Variants in ESPL1 observed in about 807,000 individuals in gnomAD.
ESPL1 encodes extra spindle pole bodies like 1, separase.
ESPL1 carries 50 observed loss-of-function variants against 217.2 expected under a neutral mutation model. That is an observed-to-expected ratio of 0.23 (90% CI 0.18 to 0.29). ESPL1 has a LOEUF of 0.29. ESPL1 is among the 10% of genes least tolerant of loss of function. The pLI is 1.00. For synonymous variants in ESPL1, 994 were observed against 1,081.3 expected (o/e 0.92, Z 1.58); for missense variants, 1,834 against 2,603.0 (o/e 0.70, Z 6.43).
rs776772153 is a variant in ESPL1, at chr12:53,268,838, C to G, written c.72C>G (p.Pro24=). 6.2e-7 allele frequency: 1 copy of G among 1,611,646 alleles called. No homozygotes were observed. Among genetic ancestry groups the G allele is most frequent in the African/African-American group, 1.3e-5 (1 of 74,862 alleles). ...SSQKEAEELL[P]ALKEFLSNPP... ...AGAAGGAGGCTGAAGAGTTGCTGCC[C>G]GCCTTGAAGGTGGGGGTGCTGCCTG... The change falls in exon 2 of 31, where the codon CCC becomes CCG. Residue 24 remains proline, a synonymous_variant. Transcript: ENST00000257934.
chr12:53,292,018 G>A lies in ESPL1; in HGVS notation c.5726G>A (p.Ser1909Asn). ...AAGCTGCCGTGGGAAAGCATGCCCA[G>A]CCTCCAAGCACTGCCTGTCACCCGG... Reference protein sequence around the residue: ...LQKLPWESMPSLQALPVTRLP... With the variant: ...LQKLPWESMPNLQALPVTRLP... Residue 1909 changes from serine (S) to asparagine (N), a missense_variant, in exon 27 of 31, where the codon AGC (serine) becomes AAC (asparagine). Physicochemically the swap from Ser to Asn is conservative, Grantham distance 46 (BLOSUM62 1). This residue lies in a region of ESPL1 where 295 missense variants were observed against 519.8 expected (regional missense o/e 0.57). Coordinates refer to ENST00000257934, the MANE Select transcript of ESPL1 (RefSeq NM_012291.5). This position sits in a 1 kb window ranked among gnomAD's most constrained non-coding sequence, Gnocchi z 4.5. 6.2e-7 allele frequency: 1 copy of A among 1,614,098 alleles called. No individual in the cohort carries two copies. The highest frequency in any genetic ancestry group is 8.5e-7 in the Non-Finnish European group (1 of 1,180,020).
Position 53,286,025 on chromosome 12 carries a change from G to C in ESPL1, c.3289G>C (p.Glu1097Gln). 6.2e-7 allele frequency: 1 copy of C among 1,606,738 alleles called. No homozygotes were observed. Among genetic ancestry groups the C allele is most frequent in the Non-Finnish European group, 8.5e-7 (1 of 1,173,822 alleles). The change falls in exon 18 of 31, where the codon GAG (glutamate) becomes CAG (glutamine). Residue 1097 changes from glutamate (E) to glutamine (Q), a missense_variant. This residue lies in a region of ESPL1 where 681 missense variants were observed against 808.0 expected (regional missense o/e 0.84). Transcript: ENST00000257934. This position sits in a 1 kb window ranked among gnomAD's most constrained non-coding sequence, Gnocchi z 5.3. ...CCCCTGTCCTCCACAGCTCCCAGAG[G>C]AGGAGCTCTTCCTAAGAGGCCCTGC... ...QVPCPPQLPEEELFLRGPALE... is the reference protein window; with the variant it reads ...QVPCPPQLPEQELFLRGPALE...
intron 13 of ESPL1, 116 bp downstream of exon 13, chr12:53,281,742 C>A (rs1943865903): frequency 1.0e-6 from 1 of 972,402 alleles, no homozygotes; most frequent in Admixed American, 2.2e-5. Flanking sequence ...TGTTCCTGAC[C>A]CTGAGAGGCA....
chr12:53,281,226 C>T (rs1943856357), intron 12 of ESPL1, among the ~76,000 whole-genome samples: 1 of 147,604 alleles, frequency 6.8e-6, no homozygotes, highest in Admixed American at 6.8e-5. Flanking sequence ...CAACCTCTGC[C>T]TCTCGGGTTC....
intron 11 of ESPL1, among the ~76,000 whole-genome samples, chr12:53,278,281 T>C (rs1565756188): frequency 6.6e-6 from 1 of 151,942 alleles, no homozygotes; most frequent in Admixed American, 6.6e-5. Flanking sequence ...TTAGCTTTAG[T>C]CTGGGCAACA....
rs1292281258 is a variant in ESPL1 at position 53,282,947 on chromosome 12, C to T, written c.2792-182C>T. On this transcript the variant is annotated intron_variant, in intron 14 of 30. Transcript: ENST00000257934. This position sits in a 1 kb window ranked among gnomAD's most constrained non-coding sequence, Gnocchi z 4.0. Reference sequence around the variant, plus strand: ...GGGATTACAGGCTTGGGCCACTGCGCCCAGCCAGCTGAAAGGATTCTGAGA... The same window carrying T: ...GGGATTACAGGCTTGGGCCACTGCGTCCAGCCAGCTGAAAGGATTCTGAGA... 6.6e-6 allele frequency among the ~76,000 whole-genome samples: 1 copy of T among 152,252 alleles called. No homozygotes were observed. The highest frequency in any genetic ancestry group is 1.5e-5 in the Non-Finnish European group (1 of 68,044).
At position 53,286,514 on chromosome 12, in the gene ESPL1, C is replaced by G; in HGVS notation, c.3778C>G (p.His1260Asp). The change falls in exon 18 of 31, where the codon CAC (histidine) becomes GAC (aspartate). Residue 1260 changes from histidine to aspartate, a missense_variant. By Grantham distance (81) the His-to-Asp change is moderately conservative. Coordinates refer to ENST00000257934, the MANE Select transcript of ESPL1 (RefSeq NM_012291.5). The surrounding 1 kb of genome is among the most constrained non-coding windows in gnomAD (Gnocchi z 5.3). ...GAAGTTTGTAGCAGCACGGATACCC[C>G]ACCTAGAGCCCTGGCGAGCCAGCCT... ...GLKFVAARIPHLEPWRASLLL... is the reference protein window; with the variant it reads ...GLKFVAARIPDLEPWRASLLL... 1 of 1,614,218 alleles carries G rather than the reference C, an allele frequency of 6.2e-7. No individual in the cohort carries two copies. Among genetic ancestry groups the G allele is most frequent in the South Asian group, 1.1e-5 (1 of 91,088 alleles).
At chr12:53,279,574 A>T in intron 11 of ESPL1, 158 bp from the exon 12 acceptor site, 1 of 807,520 alleles carries the variant, frequency 1.2e-6, no homozygotes, top group Non-Finnish European at 2.0e-6. Context: ...GCTTTAAAAC[A>T]GTAGGGGTGG....
In ESPL1 at chr12:53,282,207, C is replaced by G; in HGVS notation, c.2620-57C>G. ...GGGCCACGTAATCTCCAGGGCCTCTCAAGCTCTGGAGTGCCTGACTGCCTT... is the reference window on the plus strand; with the variant it reads ...GGGCCACGTAATCTCCAGGGCCTCTGAAGCTCTGGAGTGCCTGACTGCCTT... On this transcript the variant is annotated intron_variant, in intron 13 of 30. Coordinates refer to ENST00000257934, the MANE Select transcript of ESPL1 (RefSeq NM_012291.5). The surrounding 1 kb of genome is among the most constrained non-coding windows in gnomAD (Gnocchi z 4.0). 2 of 1,494,842 alleles carry G rather than the reference C, an allele frequency of 1.3e-6. No homozygotes were observed. The highest frequency in any genetic ancestry group is 2.3e-5 in the South Asian group (2 of 87,798). 92.6% of individuals were successfully genotyped at this position (1,494,842 alleles called of 1,614,324 possible). A position where few individuals can be genotyped will look rare whatever the true frequency, so the allele number is the denominator to read the frequency against.
chr12:53,283,561 T>A (rs1332693225), intron 16 of ESPL1, 23 bp downstream of exon 16: 26 of 1,601,596 alleles, frequency 1.6e-5, no homozygotes, highest in Non-Finnish European at 2.1e-5. Context: ...CCAGAGGATA[T>A]GGCAATGATG....
intron 6 of ESPL1, 152 bp downstream of exon 6, chr12:53,273,009 T>C: frequency 1.5e-6 from 1 of 685,668 alleles, no homozygotes; most frequent in Non-Finnish European, 2.4e-6. Flanking sequence ...CAAACCTCAC[T>C]GTACTGTTAC....
chr12:53,287,881 C>T, intron 18 of ESPL1, 91 bp from the exon 19 acceptor site: 1 of 1,277,734 alleles, frequency 7.8e-7, no homozygotes, highest in Admixed American at 2.3e-5. Flanking sequence ...TGTGATGGTG[C>T]CTGATGGTGC....
intron 18 of ESPL1, chr12:53,287,733 CTAA>C (rs1943973618): frequency 2.3e-6 from 1 of 441,474 alleles, no homozygotes; most frequent in Non-Finnish European, 4.0e-6. Context: ...TTCCTTAACT[CTAA>C]TGTTTCTTTT....
intron 6 of ESPL1, chr12:53,274,359 T>C (rs952113633): frequency 5.1e-5 from 8 of 158,014 alleles, no homozygotes; most frequent in African/African-American, 1.9e-4. Context: ...AAAGACCGGG[T>C]AATCAGGCTG....
Position 53,292,977 on chromosome 12 carries a change from C to T in ESPL1, c.6161+7C>T, listed in dbSNP as rs371739040. 829 of 1,611,310 alleles carry T rather than the reference C, an allele frequency of 5.1e-4. No homozygotes were observed. Among genetic ancestry groups the T allele is most frequent in the Non-Finnish European group, 6.7e-4 (795 of 1,179,124 alleles). The stretch of plus-strand genomic sequence containing the variant: ...AGTACATCATGGCTGGTTGGTGAGT[C>T]TCCAAGGGCAAGACCCATCCTAGGG... On this transcript the variant is annotated splice_region_variant and intron_variant, in intron 30 of 30. Transcript: ENST00000257934. This position sits in a 1 kb window ranked among gnomAD's most constrained non-coding sequence, Gnocchi z 4.5.
intron 15 of ESPL1, 60 bp downstream of exon 15, chr12:53,283,317 C>T (rs1302821606): frequency 6.8e-6 from 11 of 1,609,692 alleles, no homozygotes; most frequent in Admixed American, 3.3e-5. Flanking sequence ...GAGAGGGCTG[C>T]GGTTTTTTCT....
Position 53,269,744 on chromosome 12 carries a change from C to A in ESPL1, c.802C>A (p.His268Asn), listed in dbSNP as rs151249872. 1.1e-4 allele frequency: 179 copies of A among 1,614,212 alleles called. 1 individual carries two copies. In the South Asian group the frequency reaches 1.3e-3, roughly 11 times the overall value. The change falls in exon 3 of 31, where the codon CAT (histidine) becomes AAT (asparagine). Residue 268 changes from histidine (H) to asparagine (N), a missense_variant. Physicochemically the swap from His to Asn is moderately conservative, Grantham distance 68 (BLOSUM62 1). Coordinates refer to ENST00000257934, the MANE Select transcript of ESPL1 (RefSeq NM_012291.5). The surrounding 1 kb of genome is among the most constrained non-coding windows in gnomAD (Gnocchi z 6.7). ...HCRRFCWSRH[H>N]DKAISAVEKA... Reference sequence around the variant, plus strand: ...CCGTCGCTTTTGCTGGAGCCGCCACCATGACAAAGCCATCAGCGCAGTGGA... The same window carrying A: ...CCGTCGCTTTTGCTGGAGCCGCCACAATGACAAAGCCATCAGCGCAGTGGA...
At position 53,289,215 on chromosome 12, in the gene ESPL1, G is replaced by T; in HGVS notation, c.4834G>T (p.Asp1612Tyr). The T allele has an allele frequency of 6.2e-7, 1 of 1,613,736 alleles. No individual in the cohort carries two copies. Reference sequence around the variant, plus strand: ...CCTGGCCTTGTGCCTGGGCCACCGGGATCCTTATGCCACTGCTTTCCTTGT... The same window carrying T: ...CCTGGCCTTGTGCCTGGGCCACCGGTATCCTTATGCCACTGCTTTCCTTGT... ...RFLALCLGHRDPYATAFLVTE... is the reference protein window; with the variant it reads ...RFLALCLGHRYPYATAFLVTE... Residue 1612 changes from aspartate (D) to tyrosine (Y), a missense_variant, in exon 21 of 31, where the codon GAT becomes TAT. Physicochemically the swap from Asp to Tyr is radical, Grantham distance 160. Coordinates refer to ENST00000257934, the MANE Select transcript of ESPL1 (RefSeq NM_012291.5).
rs1944041948 is a variant in ESPL1 at position 53,290,757 on chromosome 12, A to G, written c.5365-84A>G. 5 of 370,306 alleles carry G rather than the reference A, an allele frequency of 1.4e-5. No homozygotes were observed. In the South Asian group the frequency reaches 4.3e-4, roughly 32 times the overall value. 22.9% of individuals were successfully genotyped at this position (370,306 alleles called of 1,614,324 possible). On this transcript the variant is annotated intron_variant, in intron 24 of 30. Transcript: ENST00000257934. ...GACAGACATGCACATTGGAAAACGC[A>G]TTTTCTCATCTCCAAAATGTCAGTG...
Sources: allele counts gnomAD v4.1 joint callset (sites outside exome capture counted in the v4.1 genomes callset), GRCh38; gene constraint gnomAD v4.1.1; regional missense constraint gnomAD v4.1.1; non-coding constraint Gnocchi (gnomAD v3.1); transcripts MANE v1.5; gene names NCBI Gene and HGNC (gene_info 2026-07-23, HGNC 2026-07-21).